Variants in DUOXA2 observed in about 807,000 individuals in gnomAD.
The protein encoded by DUOXA2 is dual oxidase maturation factor 2.
Under a neutral mutation model 27.6 loss-of-function variants are expected in DUOXA2, and 22 were observed. The ratio of observed to expected loss-of-function variants is 0.80; its 90% CI spans 0.57 to 1.14. DUOXA2 has a LOEUF of 1.14. Among genes scored for constraint, DUOXA2 ranks in the 50% most tolerant of loss-of-function variants. The pLI is 0.00. For synonymous variants in DUOXA2, 188 were observed against 184.4 expected (o/e 1.02, Z -0.16); for missense variants, 481 against 419.9 (o/e 1.15, Z -1.27).
chr15:45,117,350 G>A, intron 5 of DUOXA2, 45 bp downstream of exon 5: 4 of 1,535,730 alleles, frequency 2.6e-6, no homozygotes, highest in Non-Finnish European at 3.5e-6. Context: ...GGTGGAGACA[G>A]GATTCACACC....
chr15:45,117,303 C>T lies in DUOXA2; in HGVS notation c.767C>T (p.Thr256Ile), dbSNP rs181159534. 43 of 1,589,268 alleles carry T rather than the reference C, an allele frequency of 2.7e-5. No homozygotes were observed. In the East Asian group the frequency reaches 9.0e-4, roughly 33 times the overall value. The change falls in exon 5 of 6, where the codon ACC becomes ATC. Residue 256 changes from threonine to isoleucine, a missense_variant and splice_region_variant. Coordinates refer to ENST00000323030, the MANE Select transcript of DUOXA2 (RefSeq NM_207581.4). ...YGAAFWVTLA[T>I]GVLCLFLGGA... ...GCCGCCTTCTGGGTCACGCTGGCAA[C>T]CGGTGAGGACCGAGAGAATGGGCCC...
chr15:45,116,989 C>A, intron 4 of DUOXA2, 102 bp from the exon 5 acceptor site: 1 of 1,400,370 alleles, frequency 7.1e-7, no homozygotes, highest in Non-Finnish European at 9.7e-7. Context: ...ATCCCAGTCC[C>A]TGGCTTTGAC....
At chr15:45,115,441 G>C (rs779750573) in intron 1 of DUOXA2, 13 of 508,822 alleles carry the variant, frequency 2.6e-5, no homozygotes, top group Non-Finnish European at 5.0e-5. Context: ...TGACCCCTGC[G>C]TGCCTAGCAC....
rs1420927311 is a variant in DUOXA2, at chr15:45,118,222, T to C, written c.*313T>C. Reference sequence around the variant, plus strand: ...TCCGCAGTGCTGTGAAACCTGATTCTCTGCGTCGACTCCAGAGTAATAGGG... The same window carrying C: ...TCCGCAGTGCTGTGAAACCTGATTCCCTGCGTCGACTCCAGAGTAATAGGG... On this transcript the variant is annotated 3_prime_UTR_variant, in exon 6 of 6. Transcript: ENST00000323030. 7.1e-7 allele frequency: 1 copy of C among 1,412,048 alleles called. No individual in the cohort carries two copies. The highest frequency in any genetic ancestry group is 9.2e-7 in the Non-Finnish European group (1 of 1,089,900). The allele number at this position is 1,412,048 out of a possible 1,614,324, so 87.5% of individuals were successfully genotyped here. A position where few individuals can be genotyped will look rare whatever the true frequency, so the allele number is the denominator to read the frequency against.
At position 45,117,781 on chromosome 15, in the gene DUOXA2, C is replaced by T. The variant is rs754722228; in HGVS notation, c.835C>T (p.Arg279Cys). Residue 279 changes from arginine (R) to cysteine (C), a missense_variant, in exon 6 of 6, where the codon CGC becomes TGC. Arg to Cys is a radical substitution (Grantham distance 180, BLOSUM62 -3). Transcript: ENST00000323030. The stretch of plus-strand genomic sequence containing the variant: ...CCAGTATGTTCGGCCCAGCGCTCTT[C>T]GCACCCTTCTGGACCAAAGCGCCAA... ...SLQYVRPSALRTLLDQSAKDC... is the reference protein window; with the variant it reads ...SLQYVRPSALCTLLDQSAKDC... 25 of 1,613,880 alleles carry T rather than the reference C, an allele frequency of 1.5e-5. No individual in the cohort carries two copies. The highest frequency in any genetic ancestry group is 2.2e-5 in the South Asian group (2 of 91,080).
Position 45,116,267 on chromosome 15 carries a change from G to A in DUOXA2, c.340+9G>A, listed in dbSNP as rs750884193. 10 of 1,613,502 alleles carry A rather than the reference G, an allele frequency of 6.2e-6. No individual in the cohort carries two copies. The highest frequency in any genetic ancestry group is 8.5e-6 in the Non-Finnish European group (10 of 1,179,656). On this transcript the variant is annotated intron_variant, in intron 3 of 5. Coordinates refer to ENST00000323030, the MANE Select transcript of DUOXA2 (RefSeq NM_207581.4). Reference sequence around the variant, plus strand: ...TAATATTACACTCACAGGTGAGGGGGCTGGGGCTAAATGAACTCCTGGAGC... The same window carrying A: ...TAATATTACACTCACAGGTGAGGGGACTGGGGCTAAATGAACTCCTGGAGC...
At chr15:45,116,791 C>A (rs1894656931) in intron 4 of DUOXA2, 62 bp downstream of exon 4, 1 of 1,573,460 alleles carries the variant, frequency 6.4e-7, no homozygotes. Context: ...GCCGTATGAG[C>A]GGGAGGATGC....
chr15:45,115,672 A>T (rs1693547763), intron 1 of DUOXA2, 127 bp from the exon 2 acceptor site: 4 of 1,129,706 alleles, frequency 3.5e-6, no homozygotes, highest in Non-Finnish European at 4.0e-6. Flanking sequence ...TTGCAGGAAA[A>T]GCGTGCCTAA....
In DUOXA2 at chr15:45,114,563, GCTTGCCTGC is replaced by G. The variant is rs772686666; in HGVS notation, c.-41_-33del. 9.3e-6 allele frequency: 15 copies of G among 1,610,808 alleles called. No individual in the cohort carries two copies. Among genetic ancestry groups the G allele is most frequent in the Non-Finnish European group, 1.2e-5 (14 of 1,179,330 alleles). On this transcript the variant is annotated 5_prime_UTR_variant, in exon 1 of 6. Coordinates refer to ENST00000323030, the MANE Select transcript of DUOXA2 (RefSeq NM_207581.4). ...GCGTCCAGGCAGCCCCAGCTTGCTGGCTTGCCTGCCCGCCTGCGTGCAGCACTCGGCCGG... is the reference window on the plus strand; with the variant it reads ...GCGTCCAGGCAGCCCCAGCTTGCTGGCCGCCTGCGTGCAGCACTCGGCCGG...
At position 45,114,635 on chromosome 15, in the gene DUOXA2, T is replaced by C. The variant is rs1382730095; in HGVS notation, c.30T>C (p.Phe10=). 2 of 1,614,068 alleles carry C rather than the reference T, an allele frequency of 1.2e-6. No homozygotes were observed. The highest frequency in any genetic ancestry group is 1.7e-6 in the Non-Finnish European group (2 of 1,180,030). ...CCCTGTGGAACGGCGTACTGCCTTT[T>C]TACCCCCAGCCCCGGCATGCCGCAG... The part of the protein sequence containing the change: MTLWNGVLP[F]YPQPRHAAGF... Residue 10 remains phenylalanine (F), a synonymous_variant, in exon 1 of 6, where the codon TTT becomes TTC. Transcript: ENST00000323030.
chr15:45,115,945 G>A (rs1282993702), intron 2 of DUOXA2, 89 bp downstream of exon 2: 11 of 1,603,324 alleles, frequency 6.9e-6, no homozygotes, highest in Admixed American at 1.7e-5. Context: ...ACTGGGGTTG[G>A]TTTTCTGCTC....
chr15:45,116,478 G>A, intron 3 of DUOXA2, 38 bp from the exon 4 acceptor site: 25 of 1,610,752 alleles, frequency 1.6e-5, no homozygotes, highest in Non-Finnish European at 2.0e-5. Context: ...CGAGGTCTCC[G>A]ACCGCGGGCA....
Position 45,117,697 on chromosome 15 carries a change from T to C in DUOXA2, c.770-19T>C. The C allele has an allele frequency of 6.2e-7, 1 of 1,613,676 alleles. No individual in the cohort carries two copies. Among genetic ancestry groups the C allele is most frequent in the South Asian group, 1.1e-5 (1 of 91,064 alleles). On this transcript the variant is annotated intron_variant, in intron 5 of 5. Coordinates refer to ENST00000323030, the MANE Select transcript of DUOXA2 (RefSeq NM_207581.4). ...CTGACTCCACATGCCCTCCTTTCTT[T>C]CGATCCCCACCGCCACAGGCGTCCT...
In DUOXA2 at chr15:45,117,139, G is replaced by T. The variant is rs748493735; in HGVS notation, c.603G>T (p.Pro201=). 1.4e-5 allele frequency: 22 copies of T among 1,601,844 alleles called. No individual in the cohort carries two copies. Among genetic ancestry groups the T allele is most frequent in the Admixed American group, 5.0e-5 (3 of 59,992 alleles). The change falls in exon 5 of 6, where the codon CCG becomes CCT. Residue 201 remains proline (P), a synonymous_variant. Coordinates refer to ENST00000323030, the MANE Select transcript of DUOXA2 (RefSeq NM_207581.4). ...TCTCCAACGTGCTGCTCTCCACGCC[G>T]GCCCCGCTCTACGGAGGCCTGGCAC... ...WLLSNVLLST[P]APLYGGLALL...
In DUOXA2 at chr15:45,116,902, A is replaced by C. The variant is rs1595534782; in HGVS notation, c.554+173A>C. On this transcript the variant is annotated intron_variant, in intron 4 of 5. Transcript: ENST00000323030. ...AGATCCACGAGATCTGCACAGACGG[A>C]ATCCGGAGAGACTCCAGCCACCGCC... 8 of 1,059,262 alleles carry C rather than the reference A, an allele frequency of 7.6e-6. No homozygotes were observed. The East Asian group carries it at 2.1e-4, about 28-fold the overall frequency. 65.6% of individuals were successfully genotyped at this position (1,059,262 alleles called of 1,614,324 possible). A position where few individuals can be genotyped will look rare whatever the true frequency, so the allele number is the denominator to read the frequency against.
At chr15:45,115,218 A>G (rs1894573434) in intron 1 of DUOXA2, 8 of 353,958 alleles carry the variant, frequency 2.3e-5, no homozygotes, top group Non-Finnish European at 3.9e-5. Context: ...AGACTCCCAC[A>G]TTGGATTAGA....
At chr15:45,117,434 A>C in intron 5 of DUOXA2, 129 bp downstream of exon 5, 3 of 1,528,216 alleles carry the variant, frequency 2.0e-6, no homozygotes, top group Non-Finnish European at 2.6e-6. Context: ...AGTTCGCAGA[A>C]ACAGGCACTG....
At chr15:45,114,783 G>A (rs755975201) in intron 1 of DUOXA2, 31 bp downstream of exon 1, 3 of 1,614,056 alleles carry the variant, frequency 1.9e-6, no homozygotes, top group Admixed American at 1.7e-5. Context: ...CAGGTAGAGT[G>A]GGGGAAGGCT....
At position 45,117,305 on chromosome 15, in the gene DUOXA2, G is replaced by C. The variant is rs1449001390; in HGVS notation, c.769G>C (p.Gly257Arg). 1 of 1,590,324 alleles carries C rather than the reference G, an allele frequency of 6.3e-7. No homozygotes were observed. Among genetic ancestry groups the C allele is most frequent in the Admixed American group, 1.7e-5 (1 of 58,574 alleles). ...GAAFWVTLATGVLCLFLGGAV... is the reference protein window; with the variant it reads ...GAAFWVTLATRVLCLFLGGAV... ...CGCCTTCTGGGTCACGCTGGCAACC[G>C]GTGAGGACCGAGAGAATGGGCCCCG... is the stretch of plus-strand genomic sequence containing the variant. The change falls in exon 5 of 6, where the codon GGC becomes CGC. Residue 257 changes from glycine to arginine, a missense_variant and splice_region_variant. Coordinates refer to ENST00000323030, the MANE Select transcript of DUOXA2 (RefSeq NM_207581.4).
Sources: allele counts gnomAD v4.1 joint callset, GRCh38; gene constraint gnomAD v4.1.1; transcripts MANE v1.5; gene names NCBI Gene and HGNC (gene_info 2026-07-23, HGNC 2026-07-21).